The following SRSF1 variants were observed in gnomAD, a reference collection of about 807,000 sequenced individuals.
SRSF1 encodes serine/arginine-rich splicing factor 1.
In SRSF1, 1 loss-of-function variant was observed where a neutral mutation model predicts 25.9. That is an observed-to-expected ratio of 0.04 (90% CI 0.01 to 0.18). The LOEUF (loss-of-function observed/expected upper bound fraction) is 0.18, where lower values mean the gene tolerates loss of function less well. Among genes scored for constraint, SRSF1 ranks in the 10% least tolerant of loss-of-function variants. SRSF1 has a pLI of 1.00. For synonymous variants in SRSF1, 132 were observed against 126.2 expected (o/e 1.05, Z -0.31); for missense variants, 65 against 350.5 (o/e 0.19, Z 6.50).
rs966887720 is a variant in SRSF1, at chr17:58,004,785, A to G, written c.*621T>C. 2 of 394,438 alleles carry G rather than the reference A, an allele frequency of 5.1e-6. No individual in the cohort carries two copies. Among genetic ancestry groups the G allele is most frequent in the Non-Finnish European group, 8.9e-6 (2 of 223,678 alleles). The allele number at this position is 394,438 out of a possible 1,614,324, so 24.4% of individuals were successfully genotyped here. Reference sequence around the variant, plus strand: ...ATTGCCAAGGTTTAAAAAGCAAAGCAATTGTAGCTAAAGACAACTGAATAA... The same window carrying G: ...ATTGCCAAGGTTTAAAAAGCAAAGCGATTGTAGCTAAAGACAACTGAATAA... On this transcript the variant is annotated 3_prime_UTR_variant, in exon 4 of 4. Coordinates refer to ENST00000258962, the MANE Select transcript of SRSF1 (RefSeq NM_006924.5).
chr17:57,996,488 A>AAAAAAAC (rs1245255857), downstream of SRSF1, among the ~76,000 whole-genome samples: 8 of 150,462 alleles, frequency 5.3e-5, no homozygotes, highest in East Asian at 1.9e-4. Context: ...TGTCTTAAAA[A>AAAAAAAC]AAAAAAAAAA....
At chr17:57,999,432 A>G (rs1567746441), downstream of SRSF1, among the ~76,000 whole-genome samples, 1 of 152,224 alleles carries the variant, frequency 6.6e-6, no homozygotes, top group African/African-American at 2.4e-5. Context: ...TCTTAGTCCC[A>G]GAACCTAGAT....
the SRSF1 span, chr17:57,989,070 C>G: frequency 2.5e-6 from 1 of 396,570 alleles, no homozygotes; most frequent in Non-Finnish European, 4.4e-6. Flanking sequence ...TCCTTTAGTA[C>G]AGTCTGTTTC....
chr17:58,005,143 T>TA lies in SRSF1; in HGVS notation c.*262dup. On this transcript the variant is annotated 3_prime_UTR_variant, in exon 4 of 4. Transcript: ENST00000258962. This position sits in a 1 kb window ranked among gnomAD's most constrained non-coding sequence, Gnocchi z 5.2. ...CCCAGTTCACACAAACCAGGGCAGA[T>TA]AGACATTTACACAATATCACAGTCT... 1.9e-6 allele frequency: 1 copy of TA among 521,724 alleles called. No individual in the cohort carries two copies. The highest frequency in any genetic ancestry group is 3.4e-5 in the South Asian group (1 of 29,774). 32.3% of individuals were successfully genotyped at this position (521,724 alleles called of 1,614,324 possible). A position where few individuals can be genotyped will look rare whatever the true frequency, so the allele number is the denominator to read the frequency against.
At chr17:58,006,242 C>A in intron 2 of SRSF1, 101 bp downstream of exon 2, 1 of 1,399,002 alleles carries the variant, frequency 7.1e-7, no homozygotes, top group Non-Finnish European at 9.7e-7. Flanking sequence ...CAATTTAAGA[C>A]CTAGCATGAA....
rs763039593 is a variant in SRSF1, at chr17:58,005,364, CTG to C, written c.*40_*41del. 3.1e-6 allele frequency: 5 copies of C among 1,602,360 alleles called. No individual in the cohort carries two copies. In the South Asian group the frequency reaches 4.4e-5, roughly 14 times the overall value. ...AAAGATTGTACTGAATAAAGGAAAACTGTATACAACATGGGTTCTACAAAAAG... is the reference window on the plus strand; with the variant it reads ...AAAGATTGTACTGAATAAAGGAAAACTATACAACATGGGTTCTACAAAAAG... On this transcript the variant is annotated 3_prime_UTR_variant, in exon 4 of 4. Transcript: ENST00000258962. This position sits in a 1 kb window ranked among gnomAD's most constrained non-coding sequence, Gnocchi z 5.2.
chr17:58,002,268 G>A lies in SRSF1; in HGVS notation c.*3138C>T, dbSNP rs1411558258. ...TACACTAAGTACTTAGTGAAATTCT[G>A]CATTCAACTTAACATCCCCTCTTCC... is the stretch of plus-strand genomic sequence containing the variant. On this transcript the variant is annotated 3_prime_UTR_variant, in exon 4 of 4. Transcript: ENST00000258962. 1.3e-5 allele frequency among the ~76,000 whole-genome samples: 2 copies of A among 152,138 alleles called. 1 individual carries two copies. The highest frequency in any genetic ancestry group is 3.8e-4 in the East Asian group (2 of 5,196).
the SRSF1 span, chr17:57,993,708 C>G: frequency 6.6e-6 from 1 of 152,210 alleles, no homozygotes; most frequent in Admixed American, 6.5e-5. Flanking sequence ...AGGGAAGAAT[C>G]TAGATTTTTT....
chr17:57,993,828 CT>C, the SRSF1 span: 1 of 152,242 alleles, frequency 6.6e-6, no homozygotes, highest in African/African-American at 2.4e-5. Context: ...CCTCTGCTAG[CT>C]TTTTGTTTTA....
chr17:57,998,375 C>T (rs1205857583), downstream of SRSF1, among the ~76,000 whole-genome samples: 10 of 152,066 alleles, frequency 6.6e-5, no homozygotes. Context: ...ATGTATTAAG[C>T]CTTAATAATT....
At chr17:57,996,905 C>A (rs1364174219), downstream of SRSF1, among the ~76,000 whole-genome samples, 1 of 152,134 alleles carries the variant, frequency 6.6e-6, no homozygotes, top group East Asian at 1.9e-4. Flanking sequence ...CACAATACAT[C>A]GTTATGTATT....
At chr17:58,006,260 C>G in intron 2 of SRSF1, 83 bp downstream of exon 2, 1 of 1,483,434 alleles carries the variant, frequency 6.7e-7, no homozygotes. Context: ...GAAAAATTTG[C>G]AATTATTAAA....
At chr17:57,989,160 A>G in the SRSF1 span, 1 of 398,522 alleles carries the variant, frequency 2.5e-6, no homozygotes, top group African/African-American at 2.1e-5. Context: ...GCCTGTTTGC[A>G]GTTCCAAGTC....
At chr17:57,998,591 G>T (rs1015841592), downstream of SRSF1, among the ~76,000 whole-genome samples, 1 of 151,992 alleles carries the variant, frequency 6.6e-6, no homozygotes, top group African/African-American at 2.4e-5. Context: ...ATTATCAAAG[G>T]GACACCAGAG....
chr17:57,997,678 T>C (rs2075370308), downstream of SRSF1, among the ~76,000 whole-genome samples: 1 of 152,156 alleles, frequency 6.6e-6, no homozygotes, highest in African/African-American at 2.4e-5. Context: ...CAGACAAAAA[T>C]GCTGATATGG....
In SRSF1 at chr17:58,005,613, C is replaced by T. The variant is rs1461326095; in HGVS notation, c.553-13G>A. The T allele has an allele frequency of 6.2e-7, 1 of 1,612,854 alleles. No homozygotes were observed. The highest frequency in any genetic ancestry group is 8.5e-7 in the Non-Finnish European group (1 of 1,178,986). On this transcript the variant is annotated splice_polypyrimidine_tract_variant and intron_variant, in intron 3 of 3. Coordinates refer to ENST00000258962, the MANE Select transcript of SRSF1 (RefSeq NM_006924.5). This position sits in a 1 kb window ranked among gnomAD's most constrained non-coding sequence, Gnocchi z 5.2. ...AGGCAGTTTCTCCCTATTGGATAGACAGAACTTTCCATTGAAAGATCTAAG... is the reference window on the plus strand; with the variant it reads ...AGGCAGTTTCTCCCTATTGGATAGATAGAACTTTCCATTGAAAGATCTAAG...
chr17:57,999,021 A>T (rs1380870057), downstream of SRSF1, among the ~76,000 whole-genome samples: 10 of 152,176 alleles, frequency 6.6e-5, no homozygotes, highest in Non-Finnish European at 2.9e-5. Context: ...TGGGAATGAC[A>T]GATACTAAAA....
Position 58,007,160 on chromosome 17 carries a change from T to C in SRSF1, c.-23A>G, listed in dbSNP as rs1373839467. 2 of 1,612,946 alleles carry C rather than the reference T, an allele frequency of 1.2e-6. No individual in the cohort carries two copies. The highest frequency in any genetic ancestry group is 8.5e-7 in the Non-Finnish European group (1 of 1,179,668). On this transcript the variant is annotated 5_prime_UTR_variant, in exon 1 of 4. Coordinates refer to ENST00000258962, the MANE Select transcript of SRSF1 (RefSeq NM_006924.5). ...CATGGCGGTGACGAAAAGCGCGGAC[T>C]CGAGAACAGGCCTTCCCACCAAGCC...
At chr17:57,995,017 G>A in the SRSF1 span, among the ~76,000 whole-genome samples, 1 of 152,178 alleles carries the variant, frequency 6.6e-6, no homozygotes. Flanking sequence ...ACTGGGAAAG[G>A]AAATTTTTAA....
Sources: allele counts gnomAD v4.1 joint callset (sites outside exome capture counted in the v4.1 genomes callset), GRCh38; gene constraint gnomAD v4.1.1; non-coding constraint Gnocchi (gnomAD v3.1); transcripts MANE v1.5; gene names NCBI Gene and HGNC (gene_info 2026-07-23, HGNC 2026-07-21).